Variants in GUCY2D observed in about 807,000 individuals in gnomAD.
The protein encoded by GUCY2D is retinal guanylyl cyclase 1.
GUCY2D carries 70 observed loss-of-function variants against 101.3 expected under a neutral mutation model. The ratio of observed to expected loss-of-function variants is 0.69; its 90% CI spans 0.57 to 0.84. GUCY2D has a LOEUF of 0.84. Among genes scored for constraint, GUCY2D ranks in the 40% least tolerant of loss-of-function variants. The pLI is 0.00. For synonymous variants in GUCY2D, 688 were observed against 670.7 expected (o/e 1.03, Z -0.40); for missense variants, 1,460 against 1,542.5 (o/e 0.95, Z 0.90).
At chr17:8,007,646 G>T in intron 6 of GUCY2D, 118 bp downstream of exon 6, 1 of 697,932 alleles carries the variant, frequency 1.4e-6, no homozygotes, top group East Asian at 2.6e-5. Flanking sequence ...CCCCAGTTCT[G>T]TCCCACGTCT....
At chr17:8,006,989 G>A in intron 4 of GUCY2D, 71 bp from the exon 5 acceptor site, 3 of 1,265,214 alleles carry the variant, frequency 2.4e-6, no homozygotes, top group Admixed American at 1.7e-5. Flanking sequence ...CCAGCATGTG[G>A]CATGCCTCCC....
At position 8,015,431 on chromosome 17, in the gene GUCY2D, G is replaced by A. The variant is rs1243279091; in HGVS notation, c.2873G>A (p.Ser958Asn). 6.2e-7 allele frequency: 1 copy of A among 1,613,958 alleles called. No homozygotes were observed. ...EIANMSLDIL[S>N]AVGTFRMRHM... ...GCCAACATGTCACTGGACATCCTCA[G>A]TGCCGTGGGCACTTTCCGCATGCGC... Residue 958 changes from serine to asparagine, a missense_variant, in exon 15 of 20, where the codon AGT becomes AAT. Ser to Asn is a conservative substitution (Grantham distance 46). Coordinates refer to ENST00000254854, the MANE Select transcript of GUCY2D (RefSeq NM_000180.4).
At chr17:8,008,615 T>C (rs1366816653) in intron 7 of GUCY2D, among the ~76,000 whole-genome samples, 1 of 152,070 alleles carries the variant, frequency 6.6e-6, no homozygotes, top group Non-Finnish European at 1.5e-5. Context: ...CTTCAGGTCA[T>C]GGGAAGGAAT....
chr17:8,009,556 C>A lies in GUCY2D; in HGVS notation c.1719C>A (p.Ile573=), dbSNP rs377287956. ...TCCCAGGGGATCAGCACATAGCTAT[C>A]CGCCCAGCAACCAAGACGGCCTTCT... ...KKFPGDQHIA[I]RPATKTAFSK... Residue 573 remains isoleucine (I), a synonymous_variant, in exon 8 of 20, where the codon ATC becomes ATA. Coordinates refer to ENST00000254854, the MANE Select transcript of GUCY2D (RefSeq NM_000180.4). 6.2e-7 allele frequency: 1 copy of A among 1,613,586 alleles called. No individual in the cohort carries two copies. Among genetic ancestry groups the A allele is most frequent in the African/African-American group, 1.3e-5 (1 of 74,908 alleles).
intron 15 of GUCY2D, 29 bp from the exon 16 acceptor site, chr17:8,015,714 A>G (rs745882425): frequency 2.6e-6 from 4 of 1,528,012 alleles, no homozygotes; most frequent in East Asian, 2.4e-5. Flanking sequence ...CGGCCCTGCT[A>G]GCCCCGCCGA....
chr17:8,005,988 G>A (rs1215918607), intron 3 of GUCY2D, among the ~76,000 whole-genome samples: 1 of 152,166 alleles, frequency 6.6e-6, no homozygotes, highest in East Asian at 1.9e-4. Flanking sequence ...TAGGTGATGA[G>A]GTTAAAACTA....
intron 18 of GUCY2D, 48 bp downstream of exon 18, chr17:8,016,338 C>G: frequency 6.9e-7 from 1 of 1,459,678 alleles, no homozygotes; most frequent in Non-Finnish European, 9.4e-7. Context: ...GGACCCCTGC[C>G]TCCTGCTCTG....
At chr17:8,019,783 C>T (rs1393366003) in intron 19 of GUCY2D, among the ~76,000 whole-genome samples, 3 of 152,196 alleles carry the variant, frequency 2.0e-5, no homozygotes, top group Non-Finnish European at 2.9e-5. Context: ...TGGACCCAGT[C>T]GGTTATCCAG....
At chr17:8,004,978 G>A (rs1455034256) in intron 3 of GUCY2D, among the ~76,000 whole-genome samples, 2 of 152,136 alleles carry the variant, frequency 1.3e-5, no homozygotes, top group Non-Finnish European at 2.9e-5. Flanking sequence ...AATGAGATGG[G>A]ATGGAGGGAG....
In GUCY2D at chr17:8,013,019, G is replaced by T; in HGVS notation, c.2114-84G>T. 3 of 1,295,818 alleles carry T rather than the reference G, an allele frequency of 2.3e-6. No homozygotes were observed. The highest frequency in any genetic ancestry group is 3.3e-6 in the Non-Finnish European group (3 of 914,302). The allele number at this position is 1,295,818 out of a possible 1,614,324, so 80.3% of individuals were successfully genotyped here. On this transcript the variant is annotated intron_variant, in intron 10 of 19. Transcript: ENST00000254854. This position sits in a 1 kb window ranked among gnomAD's most constrained non-coding sequence, Gnocchi z 5.0. ...AGACCGGTCTCAGGCTGCAGGGTTG[G>T]TGGTGTCTGGGTGCCAACCTGGGCT... is the stretch of plus-strand genomic sequence containing the variant.
Position 8,015,410 on chromosome 17 carries a change from A to G in GUCY2D, c.2852A>G (p.Asn951Ser), listed in dbSNP as rs1224156529. ...CAGCGACACGCGGCAGAGATCGCCA[A>G]CATGTCACTGGACATCCTCAGTGCC... ...NGQRHAAEIA[N>S]MSLDILSAVG... Residue 951 changes from asparagine (N) to serine (S), a missense_variant, in exon 15 of 20, where the codon AAC becomes AGC. Asn to Ser is a conservative substitution (Grantham distance 46). This residue lies in a region of GUCY2D where 215 missense variants were observed against 227.9 expected (regional missense o/e 0.94). Transcript: ENST00000254854. The G allele has an allele frequency of 3.7e-6, 6 of 1,613,848 alleles. No homozygotes were observed. Among genetic ancestry groups the G allele is most frequent in the South Asian group, 1.1e-5 (1 of 91,090 alleles).
chr17:8,013,556 G>C lies in GUCY2D; in HGVS notation c.2263+304G>C, dbSNP rs188708948. ...AGGGGTCCCTGGGAGGAGCAGGGGA[G>C]GGGGAGTGGGTGCATCCCTTCTGCA... is the stretch of plus-strand genomic sequence containing the variant. On this transcript the variant is annotated intron_variant, in intron 11 of 19. Coordinates refer to ENST00000254854, the MANE Select transcript of GUCY2D (RefSeq NM_000180.4). This position sits in a 1 kb window ranked among gnomAD's most constrained non-coding sequence, Gnocchi z 5.0. The C allele has an allele frequency of 5.8e-4, 335 of 574,474 alleles. No homozygotes were observed. The highest frequency in any genetic ancestry group is 5.7e-4 in the Non-Finnish European group (182 of 320,908). 35.6% of individuals were successfully genotyped at this position (574,474 alleles called of 1,614,324 possible). A position where few individuals can be genotyped will look rare whatever the true frequency, so the allele number is the denominator to read the frequency against.
chr17:8,006,257 T>A, intron 3 of GUCY2D, 106 bp from the exon 4 acceptor site: 6 of 832,310 alleles, frequency 7.2e-6, no homozygotes, highest in African/African-American at 1.7e-5. Flanking sequence ...AACAACTAAC[T>A]GGAAGGTGGC....
rs1975962509 is a variant in GUCY2D at position 8,015,929 on chromosome 17, T to A, written c.3046T>A (p.Tyr1016Asn). 9 of 1,611,078 alleles carry A rather than the reference T, an allele frequency of 5.6e-6. No individual in the cohort carries two copies. In the East Asian group the frequency reaches 1.3e-4, roughly 24 times the overall value. ...CACGGCGTCCCCCACCGCCACAGCT[T>A]ACCGCATCCACGTGAACTTGAGCAC... ...ASRMESTGLP[Y>N]RIHVNLSTVG... Residue 1016 changes from tyrosine (Y) to asparagine (N), a missense_variant and splice_region_variant, in exon 17 of 20, where the codon TAC becomes AAC. This residue lies in a region of GUCY2D where 215 missense variants were observed against 227.9 expected (regional missense o/e 0.94). Transcript: ENST00000254854.
chr17:8,016,368 G>C, intron 18 of GUCY2D, 75 bp from the exon 19 acceptor site: 1 of 1,440,722 alleles, frequency 6.9e-7, no homozygotes, highest in South Asian at 1.2e-5. Context: ...CCCCGCGCGC[G>C]AGGCAGCGAT....
rs1598146819 is a variant in GUCY2D at position 8,007,452 on chromosome 17, T to C, written c.1490T>C (p.Val497Ala). 1 of 1,613,478 alleles carries C rather than the reference T, an allele frequency of 6.2e-7. No individual in the cohort carries two copies. Among genetic ancestry groups the C allele is most frequent in the Non-Finnish European group, 8.5e-7 (1 of 1,179,402 alleles). Residue 497 changes from valine (V) to alanine (A), a missense_variant, in exon 6 of 20, where the codon GTC (valine) becomes GCC (alanine). Physicochemically the swap from Val to Ala is moderately conservative, Grantham distance 64. Coordinates refer to ENST00000254854, the MANE Select transcript of GUCY2D (RefSeq NM_000180.4). The part of the protein sequence containing the change: ...VRHRLLHMQM[V>A]SGPNKIILTV... ...CACCGGCTACTTCACATGCAAATGG[T>C]CTCCGGCCCCAACAAGATCATCCTG...
Position 8,012,522 on chromosome 17 carries a change from A to G in GUCY2D, c.2029A>G (p.Arg677Gly). The G allele has an allele frequency of 6.2e-7, 1 of 1,613,982 alleles. No homozygotes were observed. Among genetic ancestry groups the G allele is most frequent in the Non-Finnish European group, 8.5e-7 (1 of 1,179,882 alleles). Residue 677 changes from arginine to glycine, a missense_variant, in exon 10 of 20, where the codon AGA becomes GGA. This residue lies in a region of GUCY2D where 1,196 missense variants were observed against 1,229.6 expected (regional missense o/e 0.97). Transcript: ENST00000254854. ...LKSRNCIVDG[R>G]FVLKITDHGH... ...GTCACGGAACTGCATAGTGGATGGC[A>G]GATTCGTACTCAAGATCACTGACCA... is the stretch of plus-strand genomic sequence containing the variant.
chr17:8,014,522 G>A lies in GUCY2D; in HGVS notation c.2413-79G>A. The A allele has an allele frequency of 7.6e-7, 1 of 1,324,206 alleles. No homozygotes were observed. The allele number at this position is 1,324,206 out of a possible 1,614,324, so 82.0% of individuals were successfully genotyped here. A position where few individuals can be genotyped will look rare whatever the true frequency, so the allele number is the denominator to read the frequency against. On this transcript the variant is annotated intron_variant, in intron 12 of 19. Transcript: ENST00000254854. The surrounding 1 kb of genome is among the most constrained non-coding windows in gnomAD (Gnocchi z 4.0). ...GGGTTCAGAGTGAACAGCCCCATGA[G>A]AGGGCCCATGAGGGGGGCATAAAGA...
At position 8,014,531 on chromosome 17, in the gene GUCY2D, T is replaced by A. The variant is rs1056519722; in HGVS notation, c.2413-70T>A. 2 of 1,409,920 alleles carry A rather than the reference T, an allele frequency of 1.4e-6. No homozygotes were observed. Among genetic ancestry groups the A allele is most frequent in the African/African-American group, 2.8e-5 (2 of 70,868 alleles). The allele number at this position is 1,409,920 out of a possible 1,614,324, so 87.3% of individuals were successfully genotyped here. On this transcript the variant is annotated intron_variant, in intron 12 of 19. Coordinates refer to ENST00000254854, the MANE Select transcript of GUCY2D (RefSeq NM_000180.4). The surrounding 1 kb of genome is among the most constrained non-coding windows in gnomAD (Gnocchi z 4.0). ...GTGAACAGCCCCATGAGAGGGCCCATGAGGGGGGCATAAAGAGGGCATGGC... is the reference window on the plus strand; with the variant it reads ...GTGAACAGCCCCATGAGAGGGCCCAAGAGGGGGGCATAAAGAGGGCATGGC...
Sources: gnomAD v4.1 joint callset for allele counts (sites outside exome capture counted in the v4.1 genomes callset) on GRCh38, gnomAD v4.1.1 for gene constraint, gnomAD v4.1.1 regional missense constraint, Gnocchi (gnomAD v3.1) non-coding constraint, MANE v1.5 for transcripts, NCBI Gene and HGNC (gene_info 2026-07-23, HGNC 2026-07-21) for gene names.